Variants in PRIM2 observed in about 807,000 individuals in gnomAD.
The protein encoded by PRIM2 is DNA primase subunit 2, also known as DNA primase large subunit.
PRIM2 carries 39 observed loss-of-function variants against 67.3 expected under a neutral mutation model. That is an observed-to-expected ratio of 0.58 (90% confidence interval 0.45 to 0.76). The LOEUF is 0.76. PRIM2 is among the 30% of genes least tolerant of loss of function. The pLI, the probability that PRIM2 is intolerant of heterozygous loss-of-function variation, is 0.00. For missense variants in PRIM2, 398 were observed against 598.7 expected (o/e 0.66, Z 3.50); for synonymous variants, 143 against 198.7 (o/e 0.72, Z 2.36).
At position 57,402,091 on chromosome 6, in the gene PRIM2, A is replaced by G. The variant is rs151035794; in HGVS notation, c.693+19923A>G. Reference sequence around the variant, plus strand: ...TGCCCAGTGAGGAGATAATATGGGAACATGCACCTACATAACAGGCTGGCC... The same window carrying G: ...TGCCCAGTGAGGAGATAATATGGGAGCATGCACCTACATAACAGGCTGGCC... On this transcript the variant is annotated intron_variant, in intron 7 of 13. Coordinates refer to ENST00000615550, the MANE Select transcript of PRIM2 (RefSeq NM_000947.5). 6.2e-4 allele frequency among the ~76,000 whole-genome samples: 94 copies of G among 152,236 alleles called. 3 individuals are homozygous for G. The highest frequency in any genetic ancestry group is 4.4e-3 in the South Asian group (21 of 4,824).
intron 5 of PRIM2, among the ~76,000 whole-genome samples, chr6:57,364,457 T>C (rs1447437796): frequency 6.6e-6 from 1 of 152,222 alleles, no homozygotes; most frequent in African/African-American, 2.4e-5. Context: ...TTTAGGATTG[T>C]GTCTCTGGCC....
chr6:57,420,615 A>AGCTGGTCCTGGGTTGATTAGAAGATAAG (rs1221115414), intron 7 of PRIM2, among the ~76,000 whole-genome samples: 1 of 152,212 alleles, frequency 6.6e-6, no homozygotes, highest in Non-Finnish European at 1.5e-5. Flanking sequence ...TAACAATCTT[A>AGCTGGTCCTGGGTTGATTAGAAGATAAG]GCTGGTCCTG....
intron 7 of PRIM2, among the ~76,000 whole-genome samples, chr6:57,408,033 T>C (rs1255157749): frequency 1.3e-5 from 2 of 152,256 alleles, no homozygotes; most frequent in African/African-American, 4.8e-5. Flanking sequence ...TCGTGATCTT[T>C]AATGATGTTA....
rs1264885414 is a variant in PRIM2, at chr6:57,452,908, T to C, written c.694-54479T>C. On this transcript the variant is annotated intron_variant, in intron 7 of 13. Coordinates refer to ENST00000615550, the MANE Select transcript of PRIM2 (RefSeq NM_000947.5). ...TGCCTAGGTTTTCTTCTAGGGTTTT[T>C]ATGGTTTTAGGTCTAACATTTAAGT... is the stretch of plus-strand genomic sequence containing the variant. Among the ~76,000 whole-genome samples the C allele has an allele frequency of 4.5e-4, 69 of 152,364 alleles. 1 individual carries two copies. Among genetic ancestry groups the C allele is most frequent in the African/African-American group, 1.3e-3 (52 of 41,588 alleles).
intron 5 of PRIM2, among the ~76,000 whole-genome samples, chr6:57,351,713 A>G (rs1033033125): frequency 2.6e-5 from 4 of 152,120 alleles, no homozygotes; most frequent in African/African-American, 4.8e-5. Context: ...TGTGAGTGCT[A>G]TGGGCCAGTA....
intron 7 of PRIM2, among the ~76,000 whole-genome samples, chr6:57,420,439 G>A (rs1444394383): frequency 6.6e-6 from 1 of 152,146 alleles, no homozygotes; most frequent in Non-Finnish European, 1.5e-5. Context: ...GAAGGCGGAG[G>A]TTGCGGTGAG....
At chr6:57,260,986 C>T in the PRIM2 span, among the ~76,000 whole-genome samples, 45 of 152,148 alleles carry the variant, frequency 3.0e-4, no homozygotes, top group African/African-American at 1.0e-3. Flanking sequence ...TTGGAGGCCC[C>T]AGTGAGAGGA....
chr6:57,437,196 G>T (rs1458712721), intron 7 of PRIM2, among the ~76,000 whole-genome samples: 2 of 152,192 alleles, frequency 1.3e-5, no homozygotes, highest in Admixed American at 6.5e-5. Flanking sequence ...CTCAGTCACT[G>T]TTACAAGAGC....
At chr6:57,415,072 C>G (rs1771214816) in intron 7 of PRIM2, among the ~76,000 whole-genome samples, 1 of 151,934 alleles carries the variant, frequency 6.6e-6, no homozygotes, top group African/African-American at 2.4e-5. Context: ...CTTATATACT[C>G]TTCTACTTGA....
At chr6:57,441,467 G>A (rs1185196292) in intron 7 of PRIM2, among the ~76,000 whole-genome samples, 1 of 152,030 alleles carries the variant, frequency 6.6e-6, no homozygotes, top group Non-Finnish European at 1.5e-5. Flanking sequence ...GTATGTAAAT[G>A]GTTTTGGTTT....
intron 10 of PRIM2, among the ~76,000 whole-genome samples, chr6:57,551,001 T>G (rs1775389923): frequency 6.6e-6 from 1 of 152,242 alleles, no homozygotes; most frequent in East Asian, 1.9e-4. Flanking sequence ...GTTGTGTGTT[T>G]GTCACCCATC....
chr6:57,429,729 G>C (rs1771757421), intron 7 of PRIM2, among the ~76,000 whole-genome samples: 1 of 152,188 alleles, frequency 6.6e-6, no homozygotes, highest in African/African-American at 2.4e-5. Flanking sequence ...TTGGGAGACA[G>C]AGACAGGAGG....
chr6:57,392,190 A>C (rs983134491), intron 7 of PRIM2, among the ~76,000 whole-genome samples: 1 of 152,044 alleles, frequency 6.6e-6, no homozygotes, highest in African/African-American at 2.4e-5. Flanking sequence ...TTGTTGGTGT[A>C]TAGGAATGCT....
intron 3 of PRIM2, among the ~76,000 whole-genome samples, chr6:57,321,930 C>T (rs1036239324): frequency 2.0e-5 from 3 of 152,066 alleles, no homozygotes; most frequent in African/African-American, 7.2e-5. Context: ...GTGCTTTTAA[C>T]CACAATAGTT....
the PRIM2 span, among the ~76,000 whole-genome samples, chr6:57,294,568 C>T: frequency 3.0e-3 from 452 of 151,506 alleles, 2 homozygotes; most frequent in Non-Finnish European, 4.6e-3. Flanking sequence ...TATATTTATA[C>T]ATAAATTTAT....
chr6:57,589,511 T>C (rs2127487910), intron 10 of PRIM2, among the ~76,000 whole-genome samples: 1 of 152,232 alleles, frequency 6.6e-6, no homozygotes, highest in Admixed American at 6.5e-5. Flanking sequence ...GGAACTTTAC[T>C]GAGTCAGAAA....
chr6:57,482,665 G>A (rs1478732220), intron 7 of PRIM2, among the ~76,000 whole-genome samples: 3 of 152,154 alleles, frequency 2.0e-5, no homozygotes, highest in East Asian at 1.9e-4. Context: ...TTGAAGATGC[G>A]TGTGAGGGCA....
intron 5 of PRIM2, among the ~76,000 whole-genome samples, chr6:57,354,952 A>G (rs1424165499): frequency 2.6e-5 from 4 of 152,222 alleles, no homozygotes; most frequent in African/African-American, 9.6e-5. Flanking sequence ...TGAGTCAGAC[A>G]GCACAAAGAG....
chr6:57,328,680 T>C (rs558600775), intron 5 of PRIM2, among the ~76,000 whole-genome samples: 2 of 152,348 alleles, frequency 1.3e-5, no homozygotes, highest in Admixed American at 1.3e-4. Context: ...GGTGTATACC[T>C]AGGAGTAGAA....
Sources: gnomAD v4.1 joint callset for allele counts (sites outside exome capture counted in the v4.1 genomes callset) on GRCh38, gnomAD v4.1.1 for gene constraint, MANE v1.5 for transcripts, NCBI Gene and HGNC (gene_info 2026-07-23, HGNC 2026-07-21) for gene names.